The following MROH7 variants were observed in gnomAD, a reference collection of about 807,000 sequenced individuals.
MROH7 encodes maestro heat-like repeat-containing protein family member 7.
In MROH7, 113 loss-of-function variants were observed where a neutral mutation model predicts 129.2. The ratio of observed to expected loss-of-function variants is 0.87; its 90% CI spans 0.75 to 1.02. The LOEUF (loss-of-function observed/expected upper bound fraction) is 1.02. Among genes scored for constraint, MROH7 ranks in the 50% least tolerant of loss-of-function variants. The pLI, the probability that MROH7 is intolerant of heterozygous loss-of-function variation, is 0.00. For synonymous variants in MROH7, 655 were observed against 667.9 expected (o/e 0.98, Z 0.30); for missense variants, 1,601 against 1,671.3 (o/e 0.96, Z 0.73).
chr1:54,704,791 CTCTTT>C (rs1444054907), intron 21 of MROH7, among the ~76,000 whole-genome samples: 1 of 67,272 alleles, frequency 1.5e-5, no homozygotes, highest in Non-Finnish European at 2.7e-5. Context: ...TTCAATGTAG[CTCTTT>C]TTTTTTTTTT....
intron 10 of MROH7, among the ~76,000 whole-genome samples, chr1:54,678,057 A>G (rs745774296): frequency 1.3e-5 from 2 of 152,180 alleles, no homozygotes; most frequent in African/African-American, 2.4e-5. Flanking sequence ...AGACAATGAC[A>G]TGTGCTGGCA....
chr1:54,675,601 CTT>C (rs35016115), intron 10 of MROH7, among the ~76,000 whole-genome samples: 46 of 143,114 alleles, frequency 3.2e-4, no homozygotes, highest in Middle Eastern at 3.7e-3. Flanking sequence ...GGGACGCTGC[CTT>C]TTTTTTTTTT....
At chr1:54,649,183 G>T (rs1223283869) in intron 1 of MROH7, among the ~76,000 whole-genome samples, 1 of 152,220 alleles carries the variant, frequency 6.6e-6, no homozygotes, top group Middle Eastern at 3.2e-3. Context: ...CCCCTTGAAG[G>T]CTCTAGCAAC....
At chr1:54,665,285 C>G in intron 4 of MROH7, 45 bp downstream of exon 4, 1 of 1,522,138 alleles carries the variant, frequency 6.6e-7, no homozygotes, top group African/African-American at 1.4e-5. Flanking sequence ...TGGGATACTT[C>G]CATCCTGCCA....
At chr1:54,683,031 CACAG>C (rs71786265) in intron 14 of MROH7, among the ~76,000 whole-genome samples, 45,969 of 151,810 alleles carry the variant, frequency 0.3, 7,959 homozygotes, top group East Asian at 0.53. Context: ...GACTTGGAGT[CACAG>C]ACAGTCTAAA....
chr1:54,654,482 G>A (rs907872789), intron 3 of MROH7, among the ~76,000 whole-genome samples: 1 of 152,088 alleles, frequency 6.6e-6, no homozygotes, highest in Admixed American at 6.5e-5. Context: ...GACCAGCCTG[G>A]CCAACATGGT....
rs748842307 is a variant in MROH7 at position 54,692,421 on chromosome 1, C to A, written c.2712-3C>A. ...TGAGGTCTTAATTGCCTTGTCTTGG[C>A]AGCTGGGTGGTGAAAGTGGTGAAAA... On this transcript the variant is annotated splice_polypyrimidine_tract_variant and splice_region_variant and intron_variant, in intron 15 of 23. Transcript: ENST00000421030. The A allele has an allele frequency of 2.5e-6, 4 of 1,613,738 alleles. No individual in the cohort carries two copies. The highest frequency in any genetic ancestry group is 3.4e-6 in the Non-Finnish European group (4 of 1,179,844).
chr1:54,659,117 G>A (rs1039400794), intron 3 of MROH7: 9 of 442,602 alleles, frequency 2.0e-5, no homozygotes, highest in Non-Finnish European at 3.1e-5. Context: ...TTTTTTAGAT[G>A]GAGTTTCACT....
rs1644793748 is a variant in MROH7 at position 54,665,247 on chromosome 1, C to T, written c.1305+7C>T. The T allele has an allele frequency of 2.5e-6, 4 of 1,611,744 alleles. No homozygotes were observed. The highest frequency in any genetic ancestry group is 1.3e-5 in the African/African-American group (1 of 74,840). ...TGGCAACAACATGGCTCTGGTATGC[C>T]TCCTGCCCAACCCCTAGCTGACTGT... On this transcript the variant is annotated splice_region_variant and intron_variant, in intron 4 of 23. Coordinates refer to ENST00000421030, the MANE Select transcript of MROH7 (RefSeq NM_001039464.4).
chr1:54,701,496 T>G (rs970122777), intron 19 of MROH7, among the ~76,000 whole-genome samples, 174 bp downstream of exon 19: 1 of 152,190 alleles, frequency 6.6e-6, no homozygotes, highest in Non-Finnish European at 1.5e-5. Context: ...TGTTCCTTAT[T>G]CTAACTGGTT....
Position 54,710,019 on chromosome 1 carries a change from GGCCA to G in MROH7, c.3807_3810del (p.Ser1270AlafsTer51). ...CAGCCCAGGTCCAGGACCACATCCT[GGCCA>G]GCTGCTGGCAGAACTCCTGGCTGCC... On this transcript the variant is annotated frameshift_variant, in exon 24 of 24. Transcript: ENST00000421030. LOFTEE classifies it high-confidence loss of function. The G allele has an allele frequency of 6.2e-7, 1 of 1,614,110 alleles. No individual in the cohort carries two copies. The highest frequency in any genetic ancestry group is 8.5e-7 in the Non-Finnish European group (1 of 1,180,024).
chr1:54,664,082 G>A (rs914587588), intron 3 of MROH7: 1 of 206,234 alleles, frequency 4.8e-6, no homozygotes, highest in Non-Finnish European at 9.9e-6. Context: ...TGGACCAATC[G>A]CTGTGGCTGG....
intron 4 of MROH7, 37 bp from the exon 5 acceptor site, chr1:54,668,817 C>A (rs752893301): frequency 1.3e-6 from 2 of 1,537,932 alleles, no homozygotes; most frequent in Admixed American, 3.3e-5. Context: ...CTCAGTGGGT[C>A]TCTCACTCTG....
chr1:54,654,331 T>C (rs1644607986), intron 3 of MROH7, among the ~76,000 whole-genome samples, 174 bp downstream of exon 3: 1 of 152,234 alleles, frequency 6.6e-6, no homozygotes, highest in Non-Finnish European at 1.5e-5. Context: ...CAATGTGACC[T>C]GGGACAAGCT....
At chr1:54,690,634 A>G (rs535089449) in intron 15 of MROH7, among the ~76,000 whole-genome samples, 25 of 152,118 alleles carry the variant, frequency 1.6e-4, no homozygotes, top group African/African-American at 3.4e-4. Context: ...TAGTAGAGAC[A>G]GGATTTCACC....
intron 3 of MROH7, chr1:54,659,054 ATAATACTG>A: frequency 2.4e-6 from 1 of 414,034 alleles, no homozygotes; most frequent in South Asian, 1.7e-5. Context: ...TGCCAATAGA[ATAATACTG>A]TATTTACTGT....
Position 54,700,344 on chromosome 1 carries a change from C to T in MROH7, c.2988C>T (p.Arg996=). The change falls in exon 18 of 24, where the codon CGC becomes CGT. Residue 996 remains arginine, a synonymous_variant. Coordinates refer to ENST00000421030, the MANE Select transcript of MROH7 (RefSeq NM_001039464.4). ...FVELLQMEQV[R]RIPEEYSLGR... ...AGCTCCTCCAGATGGAGCAGGTGCG[C>T]CGGATCCCCGAGGAATACTCTCTGG... is the stretch of plus-strand genomic sequence containing the variant. 6.2e-7 allele frequency: 1 copy of T among 1,614,108 alleles called. No homozygotes were observed.
chr1:54,700,001 T>G (rs1169668762), intron 17 of MROH7: 3 of 630,878 alleles, frequency 4.8e-6, no homozygotes, highest in Non-Finnish European at 8.7e-6. Context: ...AGGAGACAGC[T>G]TGGTTGGAAG....
chr1:54,657,993 G>C (rs952048341), intron 3 of MROH7, among the ~76,000 whole-genome samples: 4 of 152,004 alleles, frequency 2.6e-5, no homozygotes, highest in African/African-American at 9.7e-5. Context: ...TAATACAGTG[G>C]TATTAAATAT....
Sources: allele counts gnomAD v4.1 joint callset (sites outside exome capture counted in the v4.1 genomes callset), GRCh38; gene constraint gnomAD v4.1.1; transcripts MANE v1.5; gene names NCBI Gene and HGNC (gene_info 2026-07-23, HGNC 2026-07-21).